The following VPS13C variants were observed in gnomAD, a reference collection of about 807,000 sequenced individuals.
VPS13C encodes vacuolar protein sorting 13 homolog C.
Under a neutral mutation model 456.8 loss-of-function variants are expected in VPS13C, and 358 were observed. The observed-to-expected ratio is 0.78, with a 90% CI of 0.72 to 0.86. VPS13C has a LOEUF of 0.86. VPS13C is among the 40% of genes least tolerant of loss of function. VPS13C has a pLI of 0.00. For synonymous variants in VPS13C, 1,578 were observed against 1,486.7 expected, an observed-to-expected ratio of 1.06 and a Z score of -1.41; for missense variants, 4,818 against 4,385.4, an observed-to-expected ratio of 1.10 and a Z score of -2.79.
At chr15:61,984,781 A>C in intron 19 of VPS13C, 76 bp downstream of exon 19, 1 of 1,432,196 alleles carries the variant, frequency 7.0e-7, no homozygotes, top group Non-Finnish European at 9.5e-7. Context: ...AATCATTTTT[A>C]AACCTGAATA....
Position 61,917,589 on chromosome 15 carries a change from T to C in VPS13C, c.7807A>G (p.Lys2603Glu). The change falls in exon 60 of 85, where the codon AAA becomes GAA. Residue 2603 changes from lysine to glutamate, a missense_variant. Around this residue, in one of 3 missense-constraint regions of VPS13C, gnomAD observed 4,552 missense variants for 4,130.6 expected, o/e 1.10. Transcript: ENST00000644861. ...QPAGILEHQY[K>E]ESTTYISWKE... The stretch of plus-strand genomic sequence containing the variant: ...CAGGAAATATAAGTGGTAGATTCTT[T>C]GTACTGATGCTCTAAGATTCCAGCT... 7 of 1,613,788 alleles carry C rather than the reference T, an allele frequency of 4.3e-6. No individual in the cohort carries two copies. Among genetic ancestry groups the C allele is most frequent in the Non-Finnish European group, 5.1e-6 (6 of 1,179,726 alleles).
intron 22 of VPS13C, among the ~76,000 whole-genome samples, chr15:61,980,922 G>A (rs767878431): frequency 7.2e-5 from 11 of 152,066 alleles, no homozygotes; most frequent in Non-Finnish European, 1.5e-4. Flanking sequence ...CTTTCTATGA[G>A]ATTCAAAATC....
chr15:61,905,616 A>G (rs1485303473), intron 66 of VPS13C, among the ~76,000 whole-genome samples: 1 of 152,092 alleles, frequency 6.6e-6, no homozygotes, highest in Non-Finnish European at 1.5e-5. Flanking sequence ...TTAATATATG[A>G]TATGTCCTCA....
chr15:61,976,672 T>C (rs2045712080), intron 24 of VPS13C, among the ~76,000 whole-genome samples: 1 of 152,096 alleles, frequency 6.6e-6, no homozygotes, highest in African/African-American at 2.4e-5. Context: ...TCAATATAGC[T>C]GTTTTTTAAA....
At chr15:61,907,097 C>A in intron 66 of VPS13C, 167 bp downstream of exon 66, 1 of 837,530 alleles carries the variant, frequency 1.2e-6, no homozygotes, top group South Asian at 1.6e-5. Context: ...AGGTAATATA[C>A]TGGTTTGAAC....
chr15:61,884,966 C>T (rs12902859), intron 67 of VPS13C, among the ~76,000 whole-genome samples: 8,809 of 152,108 alleles, frequency 0.058, 314 homozygotes, highest in Non-Finnish European at 0.08. Flanking sequence ...CAATCACTTC[C>T]AATTCAAAGT....
chr15:61,962,015 C>T (rs1237500757), intron 34 of VPS13C, 122 bp from the exon 35 acceptor site: 1 of 1,101,846 alleles, frequency 9.1e-7, no homozygotes, highest in East Asian at 2.6e-5. Flanking sequence ...TCCATTGAGC[C>T]CTATTTTTCT....
intron 51 of VPS13C, 136 bp downstream of exon 51, chr15:61,929,364 TA>T: frequency 3.2e-6 from 4 of 1,241,144 alleles, no homozygotes; most frequent in Non-Finnish European, 4.3e-6. Flanking sequence ...ACTAAAAAGC[TA>T]AAGTTTTTAT....
At chr15:62,047,017 G>A (rs1483456408) in intron 1 of VPS13C, among the ~76,000 whole-genome samples, 1 of 151,518 alleles carries the variant, frequency 6.6e-6, no homozygotes, top group African/African-American at 2.4e-5. Flanking sequence ...ATTATAAGAA[G>A]GAAAATGGGG....
At chr15:61,864,188 A>G (rs1001095659) in intron 81 of VPS13C, 9 of 416,526 alleles carry the variant, frequency 2.2e-5, no homozygotes, top group Non-Finnish European at 2.9e-5. Context: ...ATCAAATTAT[A>G]TTTCTTATAG....
At chr15:62,007,775 A>G (rs2046902496) in intron 14 of VPS13C, among the ~76,000 whole-genome samples, 2 of 152,206 alleles carry the variant, frequency 1.3e-5, no homozygotes, top group South Asian at 4.1e-4. Context: ...GATAAGCGAT[A>G]AAACTTTTAT....
At chr15:61,962,637 A>G in intron 33 of VPS13C, 99 bp from the exon 34 acceptor site, 1 of 1,338,316 alleles carries the variant, frequency 7.5e-7, no homozygotes, top group Non-Finnish European at 9.9e-7. Flanking sequence ...TTATAAAAAA[A>G]TTTTTCTATT....
intron 27 of VPS13C, among the ~76,000 whole-genome samples, chr15:61,970,234 A>G (rs116749878): frequency 0.019 from 2,916 of 152,272 alleles, 60 homozygotes; most frequent in South Asian, 0.07. Flanking sequence ...AGTGAGCCAC[A>G]TGGACATCCA....
At chr15:61,967,338 A>G in intron 29 of VPS13C, 30 bp downstream of exon 29, 1 of 1,558,726 alleles carries the variant, frequency 6.4e-7, no homozygotes, top group South Asian at 1.1e-5. Flanking sequence ...GGAGTAAACA[A>G]TAAATATATA....
intron 15 of VPS13C, among the ~76,000 whole-genome samples, chr15:62,002,430 G>T (rs1317685530): frequency 2.0e-5 from 3 of 152,122 alleles, no homozygotes; most frequent in African/African-American, 7.2e-5. Flanking sequence ...TCCTTTGTTA[G>T]ATGAGTAGGT....
Position 62,041,356 on chromosome 15 carries a change from T to C in VPS13C, c.155A>G (p.Asp52Gly). 6.2e-7 allele frequency: 1 copy of C among 1,605,764 alleles called. No individual in the cohort carries two copies. Among genetic ancestry groups the C allele is most frequent in the Non-Finnish European group, 8.5e-7 (1 of 1,178,048 alleles). Residue 52 changes from aspartate (D) to glycine (G), a missense_variant, in exon 3 of 85, where the codon GAT (aspartate) becomes GGT (glycine). Physicochemically the swap from Asp to Gly is moderately conservative, Grantham distance 94 (BLOSUM62 -1). This residue lies in a region of VPS13C where 4,552 missense variants were observed against 4,130.6 expected (regional missense o/e 1.10). Coordinates refer to ENST00000644861, the MANE Select transcript of VPS13C (RefSeq NM_020821.3). ...GCCAGCCTTGACTTTAAAAGGAACA[T>C]CCAATTCACTCTTCAGAAGAAAGAG... ...QIKENALSELDVPFKVKAGQI... is the reference protein window; with the variant it reads ...QIKENALSELGVPFKVKAGQI...
At chr15:61,928,654 C>T (rs1373483239) in intron 51 of VPS13C, among the ~76,000 whole-genome samples, 1 of 151,844 alleles carries the variant, frequency 6.6e-6, no homozygotes, top group Non-Finnish European at 1.5e-5. Flanking sequence ...CAGAGGCGGG[C>T]GGATTGCTTG....
chr15:61,890,635 C>A (rs937670483), intron 66 of VPS13C, among the ~76,000 whole-genome samples: 1 of 152,152 alleles, frequency 6.6e-6, no homozygotes. Context: ...GTCTGAATTA[C>A]CTACTGAGTG....
In VPS13C at chr15:61,867,144, G is replaced by C. The variant is rs1025428108; in HGVS notation, c.10863+1515C>G. The C allele has an allele frequency of 5.1e-6, 5 of 982,982 alleles. No homozygotes were observed. In the African/African-American group the frequency reaches 8.7e-5, roughly 17 times the overall value. 60.9% of individuals were successfully genotyped at this position (982,982 alleles called of 1,614,324 possible). A position where few individuals can be genotyped will look rare whatever the true frequency, so the allele number is the denominator to read the frequency against. On this transcript the variant is annotated intron_variant, in intron 81 of 84. Coordinates refer to ENST00000644861, the MANE Select transcript of VPS13C (RefSeq NM_020821.3). This position sits in a 1 kb window ranked among gnomAD's most constrained non-coding sequence, Gnocchi z 5.0. Reference sequence around the variant, plus strand: ...AATAAAGAAATCTATGTATTCAAGTGCCACACAGCAATTTGCCTAATTACA... The same window carrying C: ...AATAAAGAAATCTATGTATTCAAGTCCCACACAGCAATTTGCCTAATTACA...
Sources: allele counts gnomAD v4.1 joint callset (sites outside exome capture counted in the v4.1 genomes callset), GRCh38; gene constraint gnomAD v4.1.1; regional missense constraint gnomAD v4.1.1; non-coding constraint Gnocchi (gnomAD v3.1); transcripts MANE v1.5; gene names NCBI Gene and HGNC (gene_info 2026-07-23, HGNC 2026-07-21).